The following DDX60L variants were observed in gnomAD, a reference collection of about 807,000 sequenced individuals.
DDX60L encodes DExD/H-box 60 like.
DDX60L carries 191 observed loss-of-function variants against 211.6 expected under a neutral mutation model. The observed-to-expected ratio is 0.90, with a 90% CI of 0.80 to 1.02. The LOEUF (loss-of-function observed/expected upper bound fraction) is 1.02, where lower values mean the gene tolerates loss of function less well. Among genes scored for constraint, DDX60L ranks in the 50% least tolerant of loss-of-function variants. The probability of loss-of-function intolerance (pLI) is 0.00; values close to 1 mark genes in which losing one functional copy is unlikely to be tolerated. For missense variants in DDX60L, 2,007 were observed against 1,984.1 expected (o/e 1.01, Z -0.22); for synonymous variants, 706 against 694.1 (o/e 1.02, Z -0.27).
chr4:168,403,310 G>A (rs1367553932), intron 25 of DDX60L, among the ~76,000 whole-genome samples: 1 of 152,236 alleles, frequency 6.6e-6, no homozygotes, highest in Non-Finnish European at 1.5e-5. Context: ...ACACCTATGT[G>A]TTTGTGTGTT....
At chr4:168,398,951 C>G (rs1389908600) in intron 26 of DDX60L, among the ~76,000 whole-genome samples, 5 of 152,090 alleles carry the variant, frequency 3.3e-5, no homozygotes, top group Non-Finnish European at 5.9e-5. Flanking sequence ...TACCTGCCTG[C>G]AGAGAGGAGC....
intron 33 of DDX60L, 45 bp from the exon 34 acceptor site, chr4:168,375,569 A>T (rs1346987401): frequency 7.3e-6 from 11 of 1,512,204 alleles, no homozygotes; most frequent in Non-Finnish European, 9.7e-6. Context: ...ACTTTTATTT[A>T]AAAAATTAAA....
intron 10 of DDX60L, among the ~76,000 whole-genome samples, chr4:168,436,019 T>C (rs959154976): frequency 6.6e-6 from 1 of 152,214 alleles, no homozygotes; most frequent in Non-Finnish European, 1.5e-5. Flanking sequence ...CAAGATATCC[T>C]TTCTTAGGAG....
intron 13 of DDX60L, among the ~76,000 whole-genome samples, chr4:168,429,537 T>C (rs1464836389): frequency 6.6e-6 from 1 of 152,260 alleles, no homozygotes; most frequent in African/African-American, 2.4e-5. Context: ...CAGATAAATC[T>C]ATCTTTTCTT....
rs1019195383 is a variant in DDX60L, at chr4:168,413,735, T to C, written c.2979+1673A>G. 3.3e-5 allele frequency among the ~76,000 whole-genome samples: 5 copies of C among 151,962 alleles called. No homozygotes were observed. The South Asian group carries it at 6.2e-4, about 19-fold the overall frequency. On this transcript the variant is annotated intron_variant, in intron 22 of 37. Coordinates refer to ENST00000682922, the MANE Select transcript of DDX60L (RefSeq NM_001012967.3). ...ATGATAAAAGCATTCCTGTAAGATA[T>C]AGAAAATAGCCTCAAAAGGGCAAAT...
intron 22 of DDX60L, among the ~76,000 whole-genome samples, chr4:168,412,414 G>A (rs1454730368): frequency 6.6e-6 from 1 of 152,030 alleles, no homozygotes; most frequent in African/African-American, 2.4e-5. Flanking sequence ...TGACTGAAGA[G>A]GCCTTGGGCC....
At chr4:168,396,729 C>T (rs1233713000) in intron 26 of DDX60L, among the ~76,000 whole-genome samples, 2 of 151,588 alleles carry the variant, frequency 1.3e-5, no homozygotes, top group East Asian at 3.9e-4. Context: ...ACCGAGAAGA[C>T]CTGGAGCTCC....
chr4:168,427,427 A>G, intron 13 of DDX60L, 105 bp from the exon 14 acceptor site: 1 of 1,251,228 alleles, frequency 8.0e-7, no homozygotes, highest in Non-Finnish European at 1.1e-6. Context: ...TCTGGCCATC[A>G]TTCTACTCGT....
chr4:168,368,522 G>T (rs1740396790), intron 36 of DDX60L, among the ~76,000 whole-genome samples: 1 of 152,236 alleles, frequency 6.6e-6, no homozygotes, highest in Admixed American at 6.5e-5. Context: ...AGGAAAATGT[G>T]GGGTCAGAGC....
intron 26 of DDX60L, among the ~76,000 whole-genome samples, chr4:168,398,618 G>A (rs779220500): frequency 2.0e-5 from 3 of 152,290 alleles, no homozygotes; most frequent in East Asian, 1.9e-4. Flanking sequence ...GGAACTTAAC[G>A]GTGCTTTCTC....
chr4:168,438,820 A>G (rs2712139), intron 10 of DDX60L, among the ~76,000 whole-genome samples: 112,504 of 152,162 alleles, frequency 0.74, 42,911 homozygotes, highest in East Asian at 0.91. Context: ...GTGACCAGTT[A>G]CAGAAATGAG....
At position 168,416,737 on chromosome 4, in the gene DDX60L, G is replaced by T; in HGVS notation, c.2671C>A (p.Arg891=). ...KFWELLLVII[R]CPFLVLSATI... ...GCTGAAAGAACCAAAAAGGGACATC[G>T]AATAATGACAAGGAGGAGCTCCCAA... Residue 891 remains arginine, a synonymous_variant, in exon 20 of 38, where the codon CGA becomes AGA. Coordinates refer to ENST00000682922, the MANE Select transcript of DDX60L (RefSeq NM_001012967.3). 6.2e-7 allele frequency: 1 copy of T among 1,608,302 alleles called. No individual in the cohort carries two copies. The highest frequency in any genetic ancestry group is 8.5e-7 in the Non-Finnish European group (1 of 1,177,374).
intron 4 of DDX60L, among the ~76,000 whole-genome samples, chr4:168,463,746 T>C (rs763353246): frequency 5.9e-5 from 9 of 152,128 alleles, no homozygotes; most frequent in Non-Finnish European, 1.2e-4. Flanking sequence ...AAAAATCCTA[T>C]GTATAAAGAT....
chr4:168,367,015 CAT>C (rs1369201687), intron 36 of DDX60L, among the ~76,000 whole-genome samples: 1 of 151,682 alleles, frequency 6.6e-6, no homozygotes, highest in Non-Finnish European at 1.5e-5. Flanking sequence ...ATGTTAATAA[CAT>C]ATTAAATATA....
At chr4:168,459,793 A>AAGGAAGGAAGGAAGGAAGGAAGGG (rs1757070477) in intron 5 of DDX60L, among the ~76,000 whole-genome samples, 2 of 133,208 alleles carry the variant, frequency 1.5e-5, no homozygotes, top group Non-Finnish European at 3.3e-5. Flanking sequence ...GGAAGGAAGG[A>AAGGAAGGAAGGAAGGAAGGAAGGG]AGGAAGGAAG....
intron 30 of DDX60L, among the ~76,000 whole-genome samples, chr4:168,383,812 T>C (rs1446644538): frequency 6.6e-6 from 1 of 152,152 alleles, no homozygotes; most frequent in African/African-American, 2.4e-5. Flanking sequence ...CCAAGGCAGG[T>C]GTGATGGTTA....
chr4:168,386,990 A>AT (rs553283304), intron 29 of DDX60L, among the ~76,000 whole-genome samples: 1 of 152,362 alleles, frequency 6.6e-6, no homozygotes, highest in South Asian at 2.1e-4. Flanking sequence ...TAGCCATCAA[A>AT]TATTCCCTTG....
chr4:168,448,627 T>G lies in DDX60L; in HGVS notation c.1138+11A>C, dbSNP rs1755184977. 4.0e-6 allele frequency: 6 copies of G among 1,509,212 alleles called. No homozygotes were observed. Among genetic ancestry groups the G allele is most frequent in the Non-Finnish European group, 5.4e-6 (6 of 1,107,384 alleles). The allele number at this position is 1,509,212 out of a possible 1,614,324, so 93.5% of individuals were successfully genotyped here. Reference sequence around the variant, plus strand: ...TTCATGATATAATGTTAATGCATATTCAGGTACTACCTTGAGTACTTTCAA... The same window carrying G: ...TTCATGATATAATGTTAATGCATATGCAGGTACTACCTTGAGTACTTTCAA... On this transcript the variant is annotated intron_variant, in intron 9 of 37. Coordinates refer to ENST00000682922, the MANE Select transcript of DDX60L (RefSeq NM_001012967.3).
At position 168,449,632 on chromosome 4, in the gene DDX60L, T is replaced by TA. The variant is rs1356725381; in HGVS notation, c.997-854dup. On this transcript the variant is annotated intron_variant, in intron 8 of 37. Transcript: ENST00000682922. Reference sequence around the variant, plus strand: ...GAGTATAATAAAAAAAAAAAAACATTAAAACAAAAAAAAAAAATGCAAAAA... The same window carrying TA: ...GAGTATAATAAAAAAAAAAAAACATTAAAAACAAAAAAAAAAAATGCAAAAA... Among the ~76,000 whole-genome samples the TA allele has an allele frequency of 3.0e-3, 17 of 5,598 alleles. 1 individual carries two copies. The highest frequency in any genetic ancestry group is 0.019 in the African/African-American group (15 of 784). The allele number at this position is 5,598 out of a possible 152,430, so 3.7% of individuals were successfully genotyped here. A position where few individuals can be genotyped will look rare whatever the true frequency, so the allele number is the denominator to read the frequency against.
Sources: allele counts gnomAD v4.1 joint callset (sites outside exome capture counted in the v4.1 genomes callset), GRCh38; gene constraint gnomAD v4.1.1; transcripts MANE v1.5; gene names NCBI Gene and HGNC (gene_info 2026-07-23, HGNC 2026-07-21).